The following CPA6 variants were observed in gnomAD, a reference collection of about 807,000 sequenced individuals.
CPA6 encodes carboxypeptidase B.
A neutral mutation model predicts 63.3 loss-of-function variants in CPA6; 58 were observed. That is an observed-to-expected ratio of 0.92 (90% confidence interval 0.74 to 1.14). CPA6 has a LOEUF of 1.14. CPA6 is among the 50% of genes most tolerant of loss of function. The pLI, the probability that CPA6 is intolerant of heterozygous loss-of-function variation, is 0.00. For missense variants in CPA6, 565 were observed against 526.6 expected (o/e 1.07, Z -0.71); for synonymous variants, 185 against 179.0 (o/e 1.03, Z -0.27).
intron 2 of CPA6, among the ~76,000 whole-genome samples, chr8:67,520,498 T>C (rs957252852): frequency 6.6e-5 from 10 of 152,198 alleles, no homozygotes; most frequent in African/African-American, 2.4e-4. Context: ...TATTAGTTTT[T>C]CTCCAGTAAT....
intron 2 of CPA6, among the ~76,000 whole-genome samples, chr8:67,621,287 G>A (rs1815075657): frequency 6.6e-6 from 1 of 152,166 alleles, no homozygotes. Context: ...ATAGCTGTGA[G>A]TAGGACTATA....
chr8:67,630,774 T>A (rs1228070993), intron 1 of CPA6, among the ~76,000 whole-genome samples: 3 of 152,192 alleles, frequency 2.0e-5, no homozygotes, highest in Admixed American at 2.0e-4. Context: ...AGTGGGCCAG[T>A]GTGAGTTCCG....
chr8:67,571,218 T>C, intron 2 of CPA6, among the ~76,000 whole-genome samples: 1 of 152,232 alleles, frequency 6.6e-6, no homozygotes, highest in South Asian at 2.1e-4. Flanking sequence ...TATTAACGGA[T>C]CTGAAGGGAG....
At chr8:67,691,084 T>C (rs1002884568) in intron 1 of CPA6, among the ~76,000 whole-genome samples, 3 of 152,234 alleles carry the variant, frequency 2.0e-5, no homozygotes, top group African/African-American at 7.2e-5. Context: ...TACTTTTCTT[T>C]TTCCCATTCA....
chr8:67,679,858 C>T (rs1248935623), intron 1 of CPA6, among the ~76,000 whole-genome samples: 5 of 152,160 alleles, frequency 3.3e-5, no homozygotes, highest in Admixed American at 1.3e-4. Flanking sequence ...CTCACTTCCT[C>T]TGTTAGTGGT....
At chr8:67,737,302 A>T (rs543448311) in intron 1 of CPA6, among the ~76,000 whole-genome samples, 1 of 152,318 alleles carries the variant, frequency 6.6e-6, no homozygotes, top group South Asian at 2.1e-4. Context: ...TCTTTGCACC[A>T]ATATATTCCC....
chr8:67,619,693 C>G (rs1229158978), intron 2 of CPA6, among the ~76,000 whole-genome samples: 1 of 152,180 alleles, frequency 6.6e-6, no homozygotes, highest in Non-Finnish European at 1.5e-5. Flanking sequence ...ATAGCTGACA[C>G]CAACCAGTCT....
chr8:67,615,355 TG>T (rs1195267098), intron 2 of CPA6, among the ~76,000 whole-genome samples: 1 of 152,192 alleles, frequency 6.6e-6, no homozygotes, highest in African/African-American at 2.4e-5. Flanking sequence ...CCTTGCCCCT[TG>T]AAAAAGGAAC....
At chr8:67,506,377 G>A (rs998825380) in intron 6 of CPA6, among the ~76,000 whole-genome samples, 1 of 152,210 alleles carries the variant, frequency 6.6e-6, no homozygotes, top group African/African-American at 2.4e-5. Flanking sequence ...TTTATTGTTA[G>A]AGCATATGTG....
rs376030276 is a variant in CPA6, at chr8:67,562,700, G to T, written c.193-44653C>A. Among the ~76,000 whole-genome samples the T allele has an allele frequency of 1.5e-4, 23 of 152,272 alleles. No individual in the cohort carries two copies. The South Asian group carries it at 3.9e-3, about 26-fold the overall frequency. ...GCTCTTGTAAAAGAGGCCCCAATGA[G>T]CTCTCATATAACTTCTTCCATGTAA... On this transcript the variant is annotated intron_variant, in intron 2 of 10. Coordinates refer to ENST00000297770, the MANE Select transcript of CPA6 (RefSeq NM_020361.5).
At chr8:67,540,444 C>T (rs921298363) in intron 2 of CPA6, among the ~76,000 whole-genome samples, 2 of 152,178 alleles carry the variant, frequency 1.3e-5, no homozygotes, top group South Asian at 2.1e-4. Context: ...GTCTGTCAAA[C>T]CCTGCTGGGA....
At chr8:67,503,818 G>A (rs1174522598) in intron 6 of CPA6, among the ~76,000 whole-genome samples, 1 of 151,942 alleles carries the variant, frequency 6.6e-6, no homozygotes, top group Non-Finnish European at 1.5e-5. Flanking sequence ...CATGTGCCAC[G>A]GTGGTTTGCT....
chr8:67,698,815 A>G (rs1816960974), intron 1 of CPA6, among the ~76,000 whole-genome samples: 1 of 152,220 alleles, frequency 6.6e-6, no homozygotes, highest in South Asian at 2.1e-4. Flanking sequence ...ACTAACTGAT[A>G]TCACAATGAA....
At chr8:67,737,534 T>G (rs549873819) in intron 1 of CPA6, among the ~76,000 whole-genome samples, 158 of 152,302 alleles carry the variant, frequency 1.0e-3, no homozygotes, top group African/African-American at 3.8e-3. Flanking sequence ...GACCCTCTCC[T>G]GCACTCACTT....
intron 2 of CPA6, among the ~76,000 whole-genome samples, chr8:67,574,999 A>T (rs544381526): frequency 6.6e-6 from 1 of 152,324 alleles, no homozygotes; most frequent in African/African-American, 2.4e-5. Flanking sequence ...CTGATAAGGG[A>T]TTAATATTTA....
intron 1 of CPA6, among the ~76,000 whole-genome samples, chr8:67,739,515 G>A (rs921635212): frequency 2.6e-5 from 4 of 152,172 alleles, no homozygotes; most frequent in South Asian, 2.1e-4. Context: ...AGTTCCTAAC[G>A]CCCCCAAATG....
At chr8:67,602,741 C>A (rs370519516) in intron 2 of CPA6, among the ~76,000 whole-genome samples, 2 of 152,130 alleles carry the variant, frequency 1.3e-5, no homozygotes, top group East Asian at 3.9e-4. Flanking sequence ...GTTAGCGCCT[C>A]GACCGGATGT....
intron 2 of CPA6, among the ~76,000 whole-genome samples, chr8:67,533,591 T>C (rs1587530813): frequency 1.3e-5 from 2 of 152,344 alleles, no homozygotes. Flanking sequence ...CACTGGTACC[T>C]GCTCTGATTG....
At chr8:67,592,897 T>C (rs1271390953) in intron 2 of CPA6, among the ~76,000 whole-genome samples, 1 of 152,234 alleles carries the variant, frequency 6.6e-6, no homozygotes, top group Middle Eastern at 3.4e-3. Flanking sequence ...ATTTCTGCTC[T>C]GATTTTAGTT....
Sources: allele counts gnomAD v4.1 joint callset (sites outside exome capture counted in the v4.1 genomes callset), GRCh38; gene constraint gnomAD v4.1.1; transcripts MANE v1.5; gene names NCBI Gene and HGNC (gene_info 2026-07-23, HGNC 2026-07-21).